The following APAF1 variants were observed in gnomAD, a reference collection of about 807,000 sequenced individuals.
APAF1 encodes the protein apoptotic peptidase activating factor 1.
Under a neutral mutation model 152.4 loss-of-function variants are expected in APAF1, and 91 were observed. The observed-to-expected ratio is 0.60, with a 90% confidence interval of 0.50 to 0.71. APAF1 has a LOEUF of 0.71. Among genes scored for constraint, APAF1 ranks in the 30% least tolerant of loss-of-function variants. The pLI is 0.00. For synonymous variants in APAF1, 484 were observed against 494.1 expected (o/e 0.98, Z 0.27); for missense variants, 1,283 against 1,472.0 (o/e 0.87, Z 2.10).
At chr12:98,689,443 A>T (rs760067486) in intron 16 of APAF1, among the ~76,000 whole-genome samples, 1 of 96,786 alleles carries the variant, frequency 1.0e-5, no homozygotes, top group East Asian at 2.5e-4. Context: ...GGTGAGAGAG[A>T]GAGAGAGAGA....
chr12:98,661,036 G>A (rs1177287134), intron 5 of APAF1, among the ~76,000 whole-genome samples: 1 of 152,152 alleles, frequency 6.6e-6, no homozygotes. Context: ...CTAGTAGCTG[G>A]GACTACAGGC....
In APAF1 at chr12:98,734,103, C is replaced by G. The variant is rs1377884581; in HGVS notation, c.*1537C>G. ...TTTTAGATGAATGGCATTGTGAATG[C>G]CATTCTTTTAATGAATTTCAAGAGA... On this transcript the variant is annotated 3_prime_UTR_variant, in exon 27 of 27. Coordinates refer to ENST00000551964, the MANE Select transcript of APAF1 (RefSeq NM_181861.2). The G allele has an allele frequency of 6.6e-6, 1 of 152,256 alleles. No homozygotes were observed. The highest frequency in any genetic ancestry group is 2.1e-4 in the South Asian group (1 of 4,820). 9.4% of individuals were successfully genotyped at this position (152,256 alleles called of 1,614,324 possible). A position where few individuals can be genotyped will look rare whatever the true frequency, so the allele number is the denominator to read the frequency against.
At chr12:98,707,700 A>G (rs1299695013) in intron 19 of APAF1, among the ~76,000 whole-genome samples, 1 of 149,450 alleles carries the variant, frequency 6.7e-6, no homozygotes, top group Non-Finnish European at 1.5e-5. Flanking sequence ...TACTATATAT[A>G]TATATATATA....
At chr12:98,668,690 C>T (rs561616927) in intron 10 of APAF1, among the ~76,000 whole-genome samples, 39 of 152,248 alleles carry the variant, frequency 2.6e-4, no homozygotes, top group African/African-American at 9.4e-4. Context: ...ATGACTCAAA[C>T]CCCAGTGGAA....
At chr12:98,686,519 G>A (rs775401339) in intron 15 of APAF1, among the ~76,000 whole-genome samples, 5 of 152,110 alleles carry the variant, frequency 3.3e-5, no homozygotes, top group East Asian at 1.9e-4. Context: ...TAAAAACCTC[G>A]GTGAGCCTTT....
chr12:98,682,729 T>C (rs1439122), intron 14 of APAF1, among the ~76,000 whole-genome samples: 28,866 of 152,136 alleles, frequency 0.19, 2,884 homozygotes, highest in Non-Finnish European at 0.22. Flanking sequence ...GGAACTGAGA[T>C]GCAGGTAAGT....
chr12:98,722,458 A>G (rs1208300008), intron 22 of APAF1, among the ~76,000 whole-genome samples: 1 of 152,226 alleles, frequency 6.6e-6, no homozygotes, highest in Non-Finnish European at 1.5e-5. Flanking sequence ...GAAGTCAAGT[A>G]TTAATAAAGC....
chr12:98,715,073 CT>C (rs34325673), intron 21 of APAF1, among the ~76,000 whole-genome samples: 63 of 125,980 alleles, frequency 5.0e-4, no homozygotes, highest in Non-Finnish European at 7.2e-4. Flanking sequence ...TCTTAAATGT[CT>C]TTTTTTTTTT....
chr12:98,677,514 A>T lies in APAF1; in HGVS notation c.1883A>T (p.Gln628Leu). 1 of 1,614,200 alleles carries T rather than the reference A, an allele frequency of 6.2e-7. No homozygotes were observed. Among genetic ancestry groups the T allele is most frequent in the Non-Finnish European group, 8.5e-7 (1 of 1,180,030 alleles). ...VYHACFSEDG[Q>L]RIASCGADKT... ...CATGCCTGCTTTTCTGAGGATGGTC[A>T]GAGAATAGCTTCTTGTGGAGCTGAT... Residue 628 changes from glutamine to leucine, a missense_variant, in exon 13 of 27, where the codon CAG becomes CTG. Gln to Leu is a moderately radical substitution (Grantham distance 113, BLOSUM62 -2). Transcript: ENST00000551964.
chr12:98,689,582 C>T (rs1357142820), intron 16 of APAF1, among the ~76,000 whole-genome samples: 1 of 152,032 alleles, frequency 6.6e-6, no homozygotes, highest in Non-Finnish European at 1.5e-5. Flanking sequence ...GCCTCAACCG[C>T]CTGAGTAGCT....
intron 9 of APAF1, 97 bp from the exon 10 acceptor site, chr12:98,667,416 T>A: frequency 6.7e-7 from 1 of 1,488,390 alleles, no homozygotes; most frequent in Non-Finnish European, 9.3e-7. Context: ...GAGCCCGGCC[T>A]CTCTGTACAT....
chr12:98,693,604 T>G (rs2097706679), intron 16 of APAF1, among the ~76,000 whole-genome samples: 1 of 152,182 alleles, frequency 6.6e-6, no homozygotes, highest in African/African-American at 2.4e-5. Flanking sequence ...CCTTAAATGA[T>G]TCAAACTTAC....
chr12:98,663,436 A>G (rs1162761131), intron 7 of APAF1, among the ~76,000 whole-genome samples: 1 of 152,100 alleles, frequency 6.6e-6, no homozygotes, highest in Non-Finnish European at 1.5e-5. Flanking sequence ...CTGGTCTTGA[A>G]CTACTTGCCT....
rs1323792662 is a variant in APAF1, at chr12:98,732,499, C to CT, written c.3681dup (p.Asp1228Ter). Reference sequence around the variant, plus strand: ...AATCTTAAGAAAATACACGTGTCCCCTGACTTCAAAACATATGTGACTGTG... The same window carrying CT: ...AATCTTAAGAAAATACACGTGTCCCCTTGACTTCAAAACATATGTGACTGTG... On this transcript the variant is annotated frameshift_variant, in exon 27 of 27. Coordinates refer to ENST00000551964, the MANE Select transcript of APAF1 (RefSeq NM_181861.2). LOFTEE classifies it high-confidence loss of function. 3 of 1,594,866 alleles carry CT rather than the reference C, an allele frequency of 1.9e-6. No homozygotes were observed. In the South Asian group the frequency reaches 3.3e-5, roughly 18 times the overall value.
intron 16 of APAF1, among the ~76,000 whole-genome samples, chr12:98,697,362 C>T (rs894027320): frequency 3.9e-5 from 6 of 152,174 alleles, no homozygotes; most frequent in Admixed American, 3.9e-4. Context: ...TCTTACTTCC[C>T]TTACTGGCCT....
At chr12:98,683,835 TAATTC>T (rs1488703016) in intron 15 of APAF1, among the ~76,000 whole-genome samples, 2 of 152,190 alleles carry the variant, frequency 1.3e-5, no homozygotes, top group Non-Finnish European at 2.9e-5. Flanking sequence ...AAGTAGAGCT[TAATTC>T]AAAAGAGAGT....
rs377486420 is a variant in APAF1 at position 98,679,250 on chromosome 12, C to G, written c.1921-1027C>G. Among the ~76,000 whole-genome samples the G allele has an allele frequency of 5.3e-5, 8 of 152,278 alleles. 1 individual carries two copies. Among genetic ancestry groups the G allele is most frequent in the East Asian group, 1.9e-4 (1 of 5,158 alleles). The stretch of plus-strand genomic sequence containing the variant: ...GAGGAGCAACCCACTCTAGTGCCCC[C>G]TCTTTGCTGAGAGCTGTGCAGATGA... On this transcript the variant is annotated intron_variant, in intron 13 of 26. Transcript: ENST00000551964.
chr12:98,677,275 T>C (rs1046126316), intron 12 of APAF1, 150 bp from the exon 13 acceptor site: 1 of 773,586 alleles, frequency 1.3e-6, no homozygotes, highest in South Asian at 1.7e-5. Context: ...TGATCTGTGC[T>C]GTCATTTGCA....
chr12:98,735,197 T>C lies in APAF1; in HGVS notation c.*2631T>C, dbSNP rs1434883003. 1 of 398,878 alleles carries C rather than the reference T, an allele frequency of 2.5e-6. No homozygotes were observed. The highest frequency in any genetic ancestry group is 4.4e-6 in the Non-Finnish European group (1 of 226,340). 24.7% of individuals were successfully genotyped at this position (398,878 alleles called of 1,614,324 possible). A position where few individuals can be genotyped will look rare whatever the true frequency, so the allele number is the denominator to read the frequency against. On this transcript the variant is annotated 3_prime_UTR_variant, in exon 27 of 27. Coordinates refer to ENST00000551964, the MANE Select transcript of APAF1 (RefSeq NM_181861.2). ...GTCGGTCAAGAGGAGGATTTTGTTT[T>C]GTAGTTTGCAGATGAGCATTTCTAA...
Sources: gnomAD v4.1 joint callset for allele counts (sites outside exome capture counted in the v4.1 genomes callset) on GRCh38, gnomAD v4.1.1 for gene constraint, MANE v1.5 for transcripts, NCBI Gene and HGNC (gene_info 2026-07-23, HGNC 2026-07-21) for gene names.